The following PCDHA8 variants were observed in gnomAD, a reference collection of about 807,000 sequenced individuals.
The protein encoded by PCDHA8 is protocadherin alpha-8.
In PCDHA8, 53 loss-of-function variants were observed where a neutral mutation model predicts 61.8. That is an observed-to-expected ratio of 0.86 (90% CI 0.69 to 1.08). The LOEUF is 1.08. PCDHA8 is among the 50% of genes least tolerant of loss of function. PCDHA8 has a pLI of 0.00. For missense variants in PCDHA8, 1,293 were observed against 1,245.0 expected (o/e 1.04, Z -0.58); for synonymous variants, 618 against 556.6 (o/e 1.11, Z -1.55).
chr5:140,856,653 A>G (rs2044134498), intron 1 of PCDHA8: 1 of 1,598,162 alleles, frequency 6.3e-7, no homozygotes, highest in Admixed American at 1.7e-5. Flanking sequence ...CTGGATCGTG[A>G]AGAAAATCCT....
chr5:140,985,170 C>T (rs1465909141), intron 3 of PCDHA8, among the ~76,000 whole-genome samples: 12 of 152,168 alleles, frequency 7.9e-5, no homozygotes, highest in African/African-American at 2.9e-4. Flanking sequence ...ATCTCCTGAC[C>T]TCGTAATCCG....
In PCDHA8 at chr5:140,842,877, C is replaced by G. The variant is rs782040771; in HGVS notation, c.1556C>G (p.Ala519Gly). 3.1e-6 allele frequency: 5 copies of G among 1,593,864 alleles called. No homozygotes were observed. Among genetic ancestry groups the G allele is most frequent in the Non-Finnish European group, 4.3e-6 (5 of 1,165,440 alleles). Reference protein sequence around the residue: ...SVHTESGKVYALQPLDHEELE... With the variant: ...SVHTESGKVYGLQPLDHEELE... ...CACACGGAGAGCGGCAAGGTGTACG[C>G]GCTGCAGCCGCTGGACCACGAGGAG... is the stretch of plus-strand genomic sequence containing the variant. The change falls in exon 1 of 4, where the codon GCG becomes GGG. Residue 519 changes from alanine to glycine, a missense_variant. Coordinates refer to ENST00000531613, the MANE Select transcript of PCDHA8 (RefSeq NM_018911.3).
At chr5:140,869,204 C>T in intron 1 of PCDHA8, 1 of 1,613,960 alleles carries the variant, frequency 6.2e-7, no homozygotes, top group Non-Finnish European at 8.5e-7. Context: ...CTCCACTACT[C>T]CGTCTCGGAG....
intron 1 of PCDHA8, among the ~76,000 whole-genome samples, chr5:140,971,016 A>G (rs1554232958): frequency 6.6e-6 from 1 of 152,208 alleles, no homozygotes; most frequent in African/African-American, 2.4e-5. Flanking sequence ...AAGTCTTTAG[A>G]TCGTAGCATT....
intron 1 of PCDHA8, chr5:140,871,023 C>T: frequency 6.2e-7 from 1 of 1,613,268 alleles, no homozygotes; most frequent in Non-Finnish European, 8.5e-7. Context: ...ACGAGGCAGA[C>T]TCGCCGCGCC....
chr5:140,891,977 A>G (rs2063334150), intron 1 of PCDHA8, among the ~76,000 whole-genome samples: 1 of 152,206 alleles, frequency 6.6e-6, no homozygotes, highest in Non-Finnish European at 1.5e-5. Flanking sequence ...TTCCGTTCTC[A>G]TAAATTACTC....
intron 1 of PCDHA8, chr5:140,850,551 G>T: frequency 6.3e-7 from 1 of 1,598,324 alleles, no homozygotes; most frequent in Non-Finnish European, 8.6e-7. Context: ...GTCAGTGGGT[G>T]CCACGGGCCC....
At chr5:140,857,896 T>C in intron 1 of PCDHA8, 1 of 1,597,704 alleles carries the variant, frequency 6.3e-7, no homozygotes, top group Non-Finnish European at 8.6e-7. Flanking sequence ...CGGCGGTTGG[T>C]GCACGCATCC....
chr5:140,886,129 A>G (rs1428853250), intron 1 of PCDHA8, among the ~76,000 whole-genome samples: 1 of 152,224 alleles, frequency 6.6e-6, no homozygotes, highest in Non-Finnish European at 1.5e-5. Flanking sequence ...TTCCGTAACA[A>G]CCAGATTCTT....
At chr5:140,861,372 A>C (rs2046882996) in intron 1 of PCDHA8, 3 of 407,054 alleles carry the variant, frequency 7.4e-6, no homozygotes, top group Non-Finnish European at 1.5e-5. Flanking sequence ...CGCGGTCCCT[A>C]TTGCGCAGGA....
At chr5:140,935,144 A>G (rs1289868558) in intron 1 of PCDHA8, among the ~76,000 whole-genome samples, 1 of 152,184 alleles carries the variant, frequency 6.6e-6, no homozygotes, top group Admixed American at 6.5e-5. Context: ...TGATACTTAG[A>G]GATATAATCT....
intron 3 of PCDHA8, among the ~76,000 whole-genome samples, chr5:141,000,393 C>CTATA (rs1563650230): frequency 1.3e-4 from 7 of 52,858 alleles, no homozygotes; most frequent in Admixed American, 2.8e-4. Context: ...CTCTCTCTCT[C>CTATA]TCTATATATA....
chr5:140,849,736 ACCGCGAGAGTGTGT>A, intron 1 of PCDHA8: 1 of 1,598,292 alleles, frequency 6.3e-7, no homozygotes, highest in Non-Finnish European at 8.6e-7. Context: ...AGAGCTCTGG[ACCGCGAGAGTGTGT>A]CCGCCTACGA....
chr5:140,850,813 G>A (rs2150499202), intron 1 of PCDHA8: 2 of 1,598,488 alleles, frequency 1.3e-6, no homozygotes, highest in Admixed American at 1.7e-5. Flanking sequence ...ATGGCCTTCA[G>A]CCCGGGCCTT....
At chr5:140,867,294 T>C (rs987236296) in intron 1 of PCDHA8, 3 of 152,152 alleles carry the variant, frequency 2.0e-5, no homozygotes, top group African/African-American at 7.2e-5. Flanking sequence ...TCAAATATCA[T>C]GTTGAATATA....
rs139625618 is a variant in PCDHA8 at position 141,008,025 on chromosome 5, T to C, written c.2543-1602T>C. 1.8e-3 allele frequency among the ~76,000 whole-genome samples: 273 copies of C among 152,354 alleles called. 1 individual carries two copies. Among genetic ancestry groups the C allele is most frequent in the Middle Eastern group, 6.8e-3 (2 of 294 alleles). Reference sequence around the variant, plus strand: ...TAAACTTCTGTTTCCTTTTTTTTCTTGTTAATCTGCCTTTTGTAACAGGGG... The same window carrying C: ...TAAACTTCTGTTTCCTTTTTTTTCTCGTTAATCTGCCTTTTGTAACAGGGG... On this transcript the variant is annotated intron_variant, in intron 3 of 3. Transcript: ENST00000531613.
chr5:140,904,706 A>G (rs1554191662), intron 1 of PCDHA8, among the ~76,000 whole-genome samples: 2 of 151,982 alleles, frequency 1.3e-5, no homozygotes, highest in South Asian at 2.1e-4. Flanking sequence ...TTCCCTTTTC[A>G]CCACATTCTG....
At chr5:140,844,738 A>G (rs1554140712) in intron 1 of PCDHA8, among the ~76,000 whole-genome samples, 2 of 149,560 alleles carry the variant, frequency 1.3e-5, no homozygotes, top group African/African-American at 4.9e-5. Context: ...AATATTTAGT[A>G]TTATGGGATA....
At chr5:140,927,381 A>G in intron 1 of PCDHA8, 2 of 1,614,102 alleles carry the variant, frequency 1.2e-6, no homozygotes, top group Non-Finnish European at 1.7e-6. Flanking sequence ...GCTACAGCCT[A>G]AGCCCCAGTC....
Sources: allele counts gnomAD v4.1 joint callset (sites outside exome capture counted in the v4.1 genomes callset), GRCh38; gene constraint gnomAD v4.1.1; transcripts MANE v1.5; gene names NCBI Gene and HGNC (gene_info 2026-07-23, HGNC 2026-07-21).